SEPTIN9: variants seen among roughly 807,000 people sequenced by gnomAD.
SEPTIN9 encodes septin-9.
In SEPTIN9, 13 loss-of-function variants were observed where a neutral mutation model predicts 56.6. The observed-to-expected ratio is 0.23, with a 90% CI of 0.15 to 0.37. The LOEUF (loss-of-function observed/expected upper bound fraction) is 0.37. Ranked by LOEUF, SEPTIN9 falls within the 10% of genes least tolerant of loss-of-function variation. The pLI is 1.00. For missense variants in SEPTIN9, 650 were observed against 823.1 expected (o/e 0.79, Z 2.57); for synonymous variants, 332 against 334.1 (o/e 0.99, Z 0.07).
rs1353095110 is a variant in SEPTIN9 at position 77,348,754 on chromosome 17, TCATTTAC to T, written c.76+41560_76+41566del. ...GTAAGAACTAGGCAATCCTATGGGT[TCATTTAC>T]CACTTTCCATCCTGTATGTGATGGT... On this transcript the variant is annotated intron_variant, in intron 2 of 11. Coordinates refer to ENST00000427177, the MANE Select transcript of SEPTIN9 (RefSeq NM_001113491.2). 7.2e-5 allele frequency among the ~76,000 whole-genome samples: 11 copies of T among 152,364 alleles called. No homozygotes were observed. In the South Asian group the frequency reaches 1.0e-3, roughly 14 times the overall value.
chr17:77,298,150 A>G (rs1308015779), intron 1 of SEPTIN9, among the ~76,000 whole-genome samples: 1 of 152,260 alleles, frequency 6.6e-6, no homozygotes, highest in Admixed American at 6.5e-5. Flanking sequence ...ATGCCAGCAC[A>G]GTGTCTGGCT....
At chr17:77,465,657 G>A (rs1310650034) in intron 3 of SEPTIN9, among the ~76,000 whole-genome samples, 1 of 152,318 alleles carries the variant, frequency 6.6e-6, no homozygotes, top group Admixed American at 6.5e-5. Context: ...GACCCCGGGG[G>A]CCTGCAGCTG....
rs2143901597 is a variant in SEPTIN9, at chr17:77,371,260, T to C, written c.77-30799T>C. Among the ~76,000 whole-genome samples, 1 of 152,332 alleles carries C rather than the reference T, an allele frequency of 6.6e-6. No homozygotes were observed. Among genetic ancestry groups the C allele is most frequent in the Non-Finnish European group, 1.5e-5 (1 of 68,036 alleles). ...CACAGTCACGAAGGCATGCGCACTT[T>C]CTGGCTGCTCTCCTGCCATTGTCCC... On this transcript the variant is annotated intron_variant, in intron 2 of 11. Coordinates refer to ENST00000427177, the MANE Select transcript of SEPTIN9 (RefSeq NM_001113491.2). The surrounding 1 kb of genome is among the most constrained non-coding windows in gnomAD (Gnocchi z 4.1).
chr17:77,357,142 G>C (rs1289900759), intron 2 of SEPTIN9, among the ~76,000 whole-genome samples: 1 of 152,134 alleles, frequency 6.6e-6, no homozygotes, highest in African/African-American at 2.4e-5. Flanking sequence ...AGGATGGAGA[G>C]CTGGCCCACG....
chr17:77,360,759 T>C (rs1213376140), intron 2 of SEPTIN9, among the ~76,000 whole-genome samples: 1 of 151,816 alleles, frequency 6.6e-6, no homozygotes, highest in Non-Finnish European at 1.5e-5. Context: ...AGAGACGGGG[T>C]TTCACCGTGT....
At chr17:77,470,903 G>C (rs1165381484) in intron 3 of SEPTIN9, 2 of 152,252 alleles carry the variant, frequency 1.3e-5, no homozygotes. Context: ...GTGCAGTCCA[G>C]GTAGGCTGCC....
At chr17:77,296,136 G>A (rs1446760541) in intron 1 of SEPTIN9, among the ~76,000 whole-genome samples, 1 of 152,066 alleles carries the variant, frequency 6.6e-6, no homozygotes, top group African/African-American at 2.4e-5. Flanking sequence ...ACAGCAGGGA[G>A]GTGGGTACAA....
rs1622699 is a variant in SEPTIN9, at chr17:77,288,731, G to T, written c.19+7177G>T. Among the ~76,000 whole-genome samples, 5 of 152,060 alleles carry T rather than the reference G, an allele frequency of 3.3e-5. No individual in the cohort carries two copies. In the East Asian group the frequency reaches 7.7e-4, roughly 24 times the overall value. ...TAACTCAACCCAGAGGGATTTGGAG[G>T]GTTGTCTGCAAAACCCACTAATAAC... On this transcript the variant is annotated intron_variant, in intron 1 of 11. Transcript: ENST00000427177.
At chr17:77,407,309 T>TC (rs1469282995) in intron 3 of SEPTIN9, among the ~76,000 whole-genome samples, 3 of 90,240 alleles carry the variant, frequency 3.3e-5, no homozygotes, top group Admixed American at 1.1e-4. Flanking sequence ...AAAAAAAAAA[T>TC]CCCATAAGAT....
Position 77,395,266 on chromosome 17 carries a change from G to A in SEPTIN9, c.77-6793G>A, listed in dbSNP as rs527747027. On this transcript the variant is annotated intron_variant, in intron 2 of 11. Coordinates refer to ENST00000427177, the MANE Select transcript of SEPTIN9 (RefSeq NM_001113491.2). ...ATATTGGCCGGGTGCAGTGGCTCAC[G>A]CCTGTAATCGCAGCACTTTGGGAGG... 2.1e-3 allele frequency among the ~76,000 whole-genome samples: 324 copies of A among 152,114 alleles called. 3 individuals carry two copies. Among genetic ancestry groups the A allele is most frequent in the African/African-American group, 7.4e-3 (306 of 41,522 alleles).
chr17:77,490,917 C>A, intron 8 of SEPTIN9, 58 bp downstream of exon 8: 2 of 1,333,668 alleles, frequency 1.5e-6, no homozygotes, highest in Non-Finnish European at 2.1e-6. Context: ...ACGCTGCAGG[C>A]CTGGCAGGGG....
intron 2 of SEPTIN9, among the ~76,000 whole-genome samples, chr17:77,394,543 C>T (rs915511852): frequency 5.9e-5 from 9 of 152,258 alleles, no homozygotes; most frequent in African/African-American, 1.7e-4. Context: ...GAATTCCACC[C>T]TGCCCTGGGC....
intron 3 of SEPTIN9, among the ~76,000 whole-genome samples, chr17:77,406,522 A>G (rs765232969): frequency 3.3e-5 from 5 of 152,144 alleles, no homozygotes; most frequent in African/African-American, 4.8e-5. Flanking sequence ...AAATGCAGGA[A>G]GTACAGAAAT....
chr17:77,290,142 G>GCCCCTGAAGGGCCCACCA (rs2031471309), intron 1 of SEPTIN9, among the ~76,000 whole-genome samples: 1 of 152,126 alleles, frequency 6.6e-6, no homozygotes, highest in Non-Finnish European at 1.5e-5. Flanking sequence ...GTGGGTCTGG[G>GCCCCTGAAGGGCCCACCA]CCCCTGAAGG....
At chr17:77,338,920 T>C (rs2143746538) in intron 2 of SEPTIN9, among the ~76,000 whole-genome samples, 1 of 152,364 alleles carries the variant, frequency 6.6e-6, no homozygotes, top group Non-Finnish European at 1.5e-5. Flanking sequence ...ATTTCAACAA[T>C]GTTCACAGCA....
rs2038045259 is a variant in SEPTIN9, at chr17:77,453,016, G to A, written c.722-29128G>A. On this transcript the variant is annotated intron_variant, in intron 3 of 11. Transcript: ENST00000427177. The surrounding 1 kb of genome is among the most constrained non-coding windows in gnomAD (Gnocchi z 4.4). ...AGACCTGAGTTGCTGCTGACTCCCA[G>A]CTTGCCCCTTCTGTCCCCTGGCCAT... Among the ~76,000 whole-genome samples, 1 of 151,568 alleles carries A rather than the reference G, an allele frequency of 6.6e-6. No homozygotes were observed. The highest frequency in any genetic ancestry group is 1.5e-5 in the Non-Finnish European group (1 of 67,942).
At chr17:77,426,567 G>A (rs1255735775) in intron 3 of SEPTIN9, among the ~76,000 whole-genome samples, 1 of 152,100 alleles carries the variant, frequency 6.6e-6, no homozygotes, top group Non-Finnish European at 1.5e-5. Flanking sequence ...GGCTGCTCCT[G>A]GAACATGAGG....
intron 2 of SEPTIN9, among the ~76,000 whole-genome samples, chr17:77,312,886 G>C (rs2032558096): frequency 6.6e-6 from 1 of 152,174 alleles, no homozygotes; most frequent in Non-Finnish European, 1.5e-5. Flanking sequence ...GAAACTCTTT[G>C]CCTTGGTAGC....
At position 77,373,376 on chromosome 17, in the gene SEPTIN9, G is replaced by A. The variant is rs948115793; in HGVS notation, c.77-28683G>A. On this transcript the variant is annotated intron_variant, in intron 2 of 11. Transcript: ENST00000427177. ...GCCAGGGGGCCTAGGGGCTCCTCCG[G>A]CGGCTAGCTCTGCACTGCAGGAGCG... 11 of 1,211,952 alleles carry A rather than the reference G, an allele frequency of 9.1e-6. No homozygotes were observed. In the African/African-American group the frequency reaches 1.6e-4, roughly 18 times the overall value. 75.1% of individuals were successfully genotyped at this position (1,211,952 alleles called of 1,614,324 possible).
Sources: gnomAD v4.1 joint callset for allele counts (sites outside exome capture counted in the v4.1 genomes callset) on GRCh38, gnomAD v4.1.1 for gene constraint, Gnocchi (gnomAD v3.1) non-coding constraint, MANE v1.5 for transcripts, NCBI Gene and HGNC (gene_info 2026-07-23, HGNC 2026-07-21) for gene names.